COPE: variants seen among roughly 807,000 people sequenced by gnomAD.
COPE encodes coatomer subunit epsilon.
In COPE, 19 loss-of-function variants were observed where a neutral mutation model predicts 42.1. The ratio of observed to expected loss-of-function variants is 0.45; its 90% CI spans 0.31 to 0.66. COPE has a LOEUF of 0.66. Ranked by LOEUF, COPE falls within the 30% of genes least tolerant of loss-of-function variation. The pLI is 0.05. For synonymous variants in COPE, 195 were observed against 181.3 expected, an observed-to-expected ratio of 1.08 and a Z score of -0.60; for missense variants, 402 against 416.1, an observed-to-expected ratio of 0.97 and a Z score of 0.30.
At chr19:18,905,457 TGGAAA>T (rs923945706) in intron 5 of COPE, 114 bp downstream of exon 5, 1 of 1,037,534 alleles carries the variant, frequency 9.6e-7, no homozygotes, top group Non-Finnish European at 1.4e-6. Flanking sequence ...GCCACCCCCA[TGGAAA>T]GGAAAGACAA....
Position 18,912,973 on chromosome 19 carries a change from C to CCCG in COPE, c.189+8_189+10dup, listed in dbSNP as rs765310706. ...TCATCACTCTTGCCCCCGGCCAAGG[C>CCCG]CCGCACTCACCTGCGCCAGGTACGC... On this transcript the variant is annotated intron_variant, in intron 2 of 9. Transcript: ENST00000262812. 1 of 1,611,394 alleles carries CCCG rather than the reference C, an allele frequency of 6.2e-7. No homozygotes were observed. Among genetic ancestry groups the CCCG allele is most frequent in the Non-Finnish European group, 8.5e-7 (1 of 1,179,744 alleles).
At chr19:18,916,837 T>A (rs892282655) in intron 1 of COPE, among the ~76,000 whole-genome samples, 2 of 149,236 alleles carry the variant, frequency 1.3e-5, no homozygotes, top group African/African-American at 5.0e-5. Flanking sequence ...GGTGGGCACC[T>A]GTAATCCTAG....
chr19:18,901,709 T>C (rs954167603), intron 7 of COPE, among the ~76,000 whole-genome samples: 6 of 152,216 alleles, frequency 3.9e-5, no homozygotes, highest in African/African-American at 1.4e-4. Flanking sequence ...AGGGTGAGAA[T>C]TGTTTGAGCC....
chr19:18,908,190 G>C (rs566331176), intron 3 of COPE, among the ~76,000 whole-genome samples: 1 of 152,172 alleles, frequency 6.6e-6, no homozygotes, highest in Non-Finnish European at 1.5e-5. Flanking sequence ...CCAGCGCTTT[G>C]GGAGGCCAAG....
chr19:18,915,323 G>A (rs1371939687), intron 1 of COPE, among the ~76,000 whole-genome samples: 3 of 152,380 alleles, frequency 2.0e-5, no homozygotes, highest in Non-Finnish European at 4.4e-5. Context: ...TGTGTGAAAT[G>A]CAGGTGCCCA....
chr19:18,905,576 C>CT lies in COPE; in HGVS notation c.496_497insA (p.Arg166GlnfsTer31). ...GGTGGAGAGGGGCAGGAGGGCTCAC[C>CT]GGGCGAGGTCCAGGCGGTCCAGCTT... On this transcript the variant is annotated frameshift_variant and splice_region_variant, in exon 5 of 10. Coordinates refer to ENST00000262812, the MANE Select transcript of COPE (RefSeq NM_007263.4). LOFTEE classifies it high-confidence loss of function. 2 of 1,590,070 alleles carry CT rather than the reference C, an allele frequency of 1.3e-6. No individual in the cohort carries two copies. Among genetic ancestry groups the CT allele is most frequent in the Non-Finnish European group, 1.7e-6 (2 of 1,176,136 alleles).
intron 6 of COPE, 48 bp downstream of exon 6, chr19:18,904,723 T>G: frequency 6.6e-7 from 1 of 1,515,888 alleles, no homozygotes; most frequent in East Asian, 2.5e-5. Context: ...CAGACCCTGC[T>G]CAGCCAGGTG....
chr19:18,905,976 G>A (rs73003085), intron 4 of COPE: 67,176 of 453,498 alleles, frequency 0.15, 6,452 homozygotes, highest in African/African-American at 0.36. Flanking sequence ...CTAGAGGAGG[G>A]CCACGCACCC....
chr19:18,919,265 G>C lies in COPE; in HGVS notation c.84C>G (p.Ile28Met). Residue 28 changes from isoleucine to methionine, a missense_variant, in exon 1 of 10, where the codon ATC (isoleucine) becomes ATG (methionine). Coordinates refer to ENST00000262812, the MANE Select transcript of COPE (RefSeq NM_007263.4). ...CGTTTATGCACTGCTGGTAGCTGCC[G>C]ATGTAGAAGGCGTTCTTTACGTCGA... ...ELFDVKNAFY[I>M]GSYQQCINEA... The C allele has an allele frequency of 1.2e-6, 2 of 1,613,918 alleles. No individual in the cohort carries two copies. Among genetic ancestry groups the C allele is most frequent in the South Asian group, 1.1e-5 (1 of 91,084 alleles).
chr19:18,903,338 T>C lies in COPE; in HGVS notation c.665A>G (p.Gln222Arg). 1 of 1,612,750 alleles carries C rather than the reference T, an allele frequency of 6.2e-7. No homozygotes were observed. The highest frequency in any genetic ancestry group is 1.1e-5 in the South Asian group (1 of 90,940). ...CSPTLLLLNG[Q>R]AACHMAQGRW... ...GCCCTGGGCCATGTGGCAGGCCGCC[T>C]GCCCATTGAGCAGCAGCAGGGTGGG... is the stretch of plus-strand genomic sequence containing the variant. The change falls in exon 7 of 10, where the codon CAG becomes CGG. Residue 222 changes from glutamine (Q) to arginine (R), a missense_variant. By Grantham distance (43) the Gln-to-Arg change is conservative (BLOSUM62 1). Coordinates refer to ENST00000262812, the MANE Select transcript of COPE (RefSeq NM_007263.4).
Position 18,904,851 on chromosome 19 carries a change from T to G in COPE, c.499A>C (p.Lys167Gln). ...AGGTCCTGCATTCTCTTCAGCTCCT[T>G]CCTGGGGCGGGGACAGATGACAGAG... ...LKLDRLDLAR[K>Q]ELKRMQDLDE... is the part of the protein sequence containing the mutation. Residue 167 changes from lysine to glutamine, a missense_variant and splice_region_variant, in exon 6 of 10, where the codon AAG (lysine) becomes CAG (glutamine). Transcript: ENST00000262812. The G allele has an allele frequency of 6.4e-7, 1 of 1,553,102 alleles. No individual in the cohort carries two copies. The highest frequency in any genetic ancestry group is 1.2e-5 in the South Asian group (1 of 84,142).
At chr19:18,905,700 G>T in intron 4 of COPE, 71 bp from the exon 5 acceptor site, 2 of 1,477,226 alleles carry the variant, frequency 1.4e-6, no homozygotes, top group Non-Finnish European at 1.8e-6. Context: ...CACACCCAGG[G>T]CTCACTGTGT....
At chr19:18,908,970 G>A (rs575692081) in intron 3 of COPE, among the ~76,000 whole-genome samples, 1 of 152,238 alleles carries the variant, frequency 6.6e-6, no homozygotes, top group African/African-American at 2.4e-5. Flanking sequence ...TGTATGCCAG[G>A]CTGAACGACA....
chr19:18,907,221 G>C, intron 3 of COPE, 109 bp from the exon 4 acceptor site: 7 of 1,225,366 alleles, frequency 5.7e-6, no homozygotes, highest in Non-Finnish European at 7.8e-6. Context: ...GCCAGGCCCT[G>C]GGGGTGCAGA....
intron 1 of COPE, among the ~76,000 whole-genome samples, chr19:18,917,555 G>A (rs1387761851): frequency 2.0e-5 from 3 of 151,768 alleles, no homozygotes; most frequent in Non-Finnish European, 4.4e-5. Flanking sequence ...TTTTAGTAGA[G>A]ACGGGGTTTC....
intron 1 of COPE, among the ~76,000 whole-genome samples, chr19:18,917,245 T>TTTC (rs1555711569): frequency 8.2e-5 from 12 of 146,588 alleles, no homozygotes; most frequent in South Asian, 2.1e-4. Context: ...TTTTTTCTTT[T>TTTC]TTTTTTTTTT....
rs929265640 is a variant in COPE at position 18,909,095 on chromosome 19, G to A, written c.290+1876C>T. 2.6e-4 allele frequency among the ~76,000 whole-genome samples: 39 copies of A among 152,338 alleles called. 1 individual carries two copies. Among genetic ancestry groups the A allele is most frequent in the African/African-American group, 9.1e-4 (38 of 41,578 alleles). On this transcript the variant is annotated intron_variant, in intron 3 of 9. Coordinates refer to ENST00000262812, the MANE Select transcript of COPE (RefSeq NM_007263.4). ...GTCGCGGCTGTGCAGCCAGATGAAC[G>A]GACCACAAGCCCCTGCCTGGACCGC...
intron 1 of COPE, among the ~76,000 whole-genome samples, chr19:18,917,513 G>A (rs2056864915): frequency 6.6e-6 from 1 of 151,900 alleles, no homozygotes; most frequent in African/African-American, 2.4e-5. Context: ...GGATTAAGGT[G>A]CCTGCCACCA....
intron 6 of COPE, among the ~76,000 whole-genome samples, chr19:18,903,874 G>A (rs1040028026): frequency 2.6e-5 from 4 of 152,356 alleles, no homozygotes; most frequent in East Asian, 1.9e-4. Context: ...CAAACTACCC[G>A]ATAGGTCTGC....
Sources: gnomAD v4.1 joint callset for allele counts (sites outside exome capture counted in the v4.1 genomes callset) on GRCh38, gnomAD v4.1.1 for gene constraint, MANE v1.5 for transcripts, NCBI Gene and HGNC (gene_info 2026-07-23, HGNC 2026-07-21) for gene names.